GALK2: variants seen among roughly 807,000 people sequenced by gnomAD.
GALK2 encodes the protein galactokinase 2.
In GALK2, 36 loss-of-function variants were observed where a neutral mutation model predicts 52.4. The ratio of observed to expected loss-of-function variants is 0.69; its 90% CI spans 0.53 to 0.91. GALK2 has a LOEUF of 0.91. GALK2 is among the 40% of genes least tolerant of loss of function. GALK2 has a pLI of 0.00. For missense variants in GALK2, 579 were observed against 559.1 expected, an observed-to-expected ratio of 1.04 and a Z score of -0.36; for synonymous variants, 176 against 199.1, an observed-to-expected ratio of 0.88 and a Z score of 0.98.
chr15:49,261,479 G>C (rs942453871), intron 5 of GALK2, among the ~76,000 whole-genome samples: 6 of 151,992 alleles, frequency 3.9e-5, no homozygotes, highest in South Asian at 2.1e-4. Context: ...TGAGACAATG[G>C]GGTTTTCCAG....
At chr15:49,343,835 C>G (rs546688238) in intron 3 of GALK2, 1 of 152,094 alleles carries the variant, frequency 6.6e-6, no homozygotes, top group Non-Finnish European at 1.5e-5. Context: ...CACAAATTAC[C>G]CTGCATTCAG....
At chr15:49,324,271 T>C (rs116948945) in intron 9 of GALK2, among the ~76,000 whole-genome samples, 13 of 152,244 alleles carry the variant, frequency 8.5e-5, no homozygotes, top group Non-Finnish European at 1.0e-4. Flanking sequence ...CTGCAATGTA[T>C]TCCATGGTGA....
At chr15:49,367,634 A>G (rs1219838858) in exon 4 of GALK2, 1 of 1,529,482 alleles carries the variant, frequency 6.5e-7, no homozygotes, top group East Asian at 2.5e-5. Context: ...AATAATCAAG[A>G]CAACGATTAC....
chr15:49,275,526 A>T (rs2031510549), intron 5 of GALK2, among the ~76,000 whole-genome samples: 1 of 152,148 alleles, frequency 6.6e-6, no homozygotes, highest in Non-Finnish European at 1.5e-5. Context: ...ACTTGCACTT[A>T]TGGCAGCTGA....
chr15:49,333,940 GT>G (rs146269598), downstream of GALK2, among the ~76,000 whole-genome samples: 3,385 of 152,224 alleles, frequency 0.022, 102 homozygotes, highest in South Asian at 0.077. Flanking sequence ...AGCTAAATCT[GT>G]TGTTTTTCTA....
intron 8 of GALK2, among the ~76,000 whole-genome samples, chr15:49,302,861 C>A (rs949202814): frequency 1.3e-5 from 2 of 152,084 alleles, no homozygotes; most frequent in African/African-American, 4.8e-5. Context: ...AAAATGGGTC[C>A]TTTGGTTTTG....
chr15:49,296,207 A>C (rs918521879), intron 8 of GALK2, among the ~76,000 whole-genome samples: 1 of 152,104 alleles, frequency 6.6e-6, no homozygotes, highest in African/African-American at 2.4e-5. Context: ...TTTGGTGTAC[A>C]CATGATTTTA....
chr15:49,304,941 T>C (rs1325844415), intron 8 of GALK2, among the ~76,000 whole-genome samples: 4 of 152,230 alleles, frequency 2.6e-5, no homozygotes, highest in Admixed American at 2.0e-4. Context: ...TTGGTAATGA[T>C]GGCTTGTCAC....
intron 5 of GALK2, among the ~76,000 whole-genome samples, chr15:49,243,780 A>G (rs2091213701): frequency 6.6e-6 from 1 of 152,224 alleles, no homozygotes; most frequent in Admixed American, 6.5e-5. Context: ...ACCAACGGTA[A>G]GATAGAGCTT....
chr15:49,339,455 T>C (rs973489268), intron 3 of GALK2, among the ~76,000 whole-genome samples: 2 of 152,312 alleles, frequency 1.3e-5, no homozygotes, highest in Middle Eastern at 3.4e-3. Flanking sequence ...TGGCAGAGGC[T>C]GCACAACAGT....
rs1347140534 is a variant in GALK2, at chr15:49,299,735, T to TTTCTTTCTTTCTTTCTTTCCTTTCTTTC, written c.967+7200_967+7201insCTTTCTTTCTTTCTTTCCTTTCTTTCTT. Among the ~76,000 whole-genome samples, 36 of 77,576 alleles carry TTTCTTTCTTTCTTTCTTTCCTTTCTTTC rather than the reference T, an allele frequency of 4.6e-4. 1 individual carries two copies. Among genetic ancestry groups the TTTCTTTCTTTCTTTCTTTCCTTTCTTTC allele is most frequent in the African/African-American group, 2.0e-3 (36 of 18,058 alleles). 50.9% of individuals were successfully genotyped at this position (77,576 alleles called of 152,430 possible). ...CTTTCTTTCTTTCTTTCTTTCTTTC[T>TTTCTTTCTTTCTTTCTTTCCTTTCTTTC]TTTCTTTCTTTCTTTCTTTCTTTCT... On this transcript the variant is annotated intron_variant, in intron 8 of 9. Transcript: ENST00000560031.
At chr15:49,277,495 C>T (rs1411497098) in intron 5 of GALK2, among the ~76,000 whole-genome samples, 1 of 145,758 alleles carries the variant, frequency 6.9e-6, no homozygotes, top group East Asian at 2.1e-4. Flanking sequence ...ATATCATAAC[C>T]ATTTAGGATT....
intron 9 of GALK2, among the ~76,000 whole-genome samples, chr15:49,321,737 CG>C (rs2036889601): frequency 6.6e-6 from 1 of 152,200 alleles, no homozygotes; most frequent in Admixed American, 6.5e-5. Flanking sequence ...TTTTGCCACA[CG>C]TGCCTCTCCC....
chr15:49,212,728 T>A (rs1433825568), intron 2 of GALK2, among the ~76,000 whole-genome samples: 1 of 152,182 alleles, frequency 6.6e-6, no homozygotes, highest in Non-Finnish European at 1.5e-5. Flanking sequence ...TCATGAAATT[T>A]AAAAATTTCT....
At chr15:49,272,239 T>C (rs2030783902) in intron 5 of GALK2, among the ~76,000 whole-genome samples, 1 of 152,212 alleles carries the variant, frequency 6.6e-6, no homozygotes, top group African/African-American at 2.4e-5. Context: ...GTTATAATTC[T>C]TTTTCTGGGT....
chr15:49,256,322 G>A (rs1278403409), intron 5 of GALK2, among the ~76,000 whole-genome samples: 1 of 152,158 alleles, frequency 6.6e-6, no homozygotes, highest in Admixed American at 6.6e-5. Flanking sequence ...ATTGGTATAA[G>A]CCAGAGCTTC....
intron 4 of GALK2, among the ~76,000 whole-genome samples, chr15:49,237,659 TAG>T (rs1280325843): frequency 3.9e-5 from 6 of 151,946 alleles, no homozygotes; most frequent in Admixed American, 3.9e-4. Context: ...GTATTTTTAG[TAG>T]AGACGGGGTT....
chr15:49,157,859 G>A (rs116534761), intron 1 of GALK2, among the ~76,000 whole-genome samples: 2,584 of 152,224 alleles, frequency 0.017, 93 homozygotes, highest in African/African-American at 0.06. Flanking sequence ...ATTACTACTT[G>A]TGGGATCTTT....
chr15:49,325,818 C>G (rs1414247001), intron 9 of GALK2, among the ~76,000 whole-genome samples: 1 of 152,194 alleles, frequency 6.6e-6, no homozygotes, highest in Non-Finnish European at 1.5e-5. Flanking sequence ...GCTCTGGAGA[C>G]TCAGTAGCAA....
Sources: allele counts gnomAD v4.1 joint callset (sites outside exome capture counted in the v4.1 genomes callset), GRCh38; gene constraint gnomAD v4.1.1; transcripts MANE v1.5; gene names NCBI Gene and HGNC (gene_info 2026-07-23, HGNC 2026-07-21).